TOR3A: variants seen among roughly 807,000 people sequenced by gnomAD.
TOR3A encodes torsin-3A.
In TOR3A, 44 loss-of-function variants were observed where a neutral mutation model predicts 42.1. That is an observed-to-expected ratio of 1.04 (90% CI 0.82 to 1.34). TOR3A has a LOEUF of 1.34. Ranked by LOEUF, TOR3A falls within the 40% of genes most tolerant of loss-of-function variation. The probability of loss-of-function intolerance (pLI) is 0.00; values close to 1 mark genes in which losing one functional copy is unlikely to be tolerated. For missense variants in TOR3A, 521 were observed against 507.6 expected (o/e 1.03, Z -0.25); for synonymous variants, 227 against 213.2 (o/e 1.06, Z -0.57).
chr1:179,088,037 GC>G lies in TOR3A; in HGVS notation c.770del (p.Pro257LeufsTer23). 1.2e-6 allele frequency: 2 copies of G among 1,612,944 alleles called. No individual in the cohort carries two copies. Among genetic ancestry groups the G allele is most frequent in the South Asian group, 1.1e-5 (1 of 90,982 alleles). On this transcript the variant is annotated frameshift_variant, in exon 4 of 6. Transcript: ENST00000367627. LOFTEE classifies it high-confidence loss of function. ...EVLGPHLERRAPEGHRAESPW... is the reference protein window; with the variant it reads ...EVLGPHLERRXPEGHRAESPW... Reference sequence around the variant, plus strand: ...CCTTGGGCCACACTTAGAACGCCGGGCCCCTGAGGGCCACAGGGCTGAGTCT... The same window carrying G: ...CCTTGGGCCACACTTAGAACGCCGGGCCCTGAGGGCCACAGGGCTGAGTCT...
chr1:179,085,165 G>C (rs1198149857), intron 2 of TOR3A, among the ~76,000 whole-genome samples: 1 of 152,156 alleles, frequency 6.6e-6, no homozygotes, highest in South Asian at 2.1e-4. Context: ...AATGGCTCAC[G>C]CCTGTAATCC....
Position 179,094,979 on chromosome 1 carries a change from G to A in TOR3A, c.955G>A (p.Gly319Ser), listed in dbSNP as rs1475261612. Residue 319 changes from glycine (G) to serine (S), a missense_variant, in exon 6 of 6, where the codon GGC becomes AGC. Coordinates refer to ENST00000367627, the MANE Select transcript of TOR3A (RefSeq NM_022371.4). ...EIVETIDNGF[G>S]HSRLVKENLI... ...GGTCTTGCTTTCAGACAATGGCTTT[G>A]GCCACAGCCGTCTTGTGAAGGAAAA... 1 of 1,614,068 alleles carries A rather than the reference G, an allele frequency of 6.2e-7. No individual in the cohort carries two copies. Among genetic ancestry groups the A allele is most frequent in the African/African-American group, 1.3e-5 (1 of 75,000 alleles).
In TOR3A at chr1:179,085,717, C is replaced by T. The variant is rs1481211969; in HGVS notation, c.463C>T (p.Pro155Ser). The T allele has an allele frequency of 6.2e-7, 1 of 1,614,226 alleles. No individual in the cohort carries two copies. Among genetic ancestry groups the T allele is most frequent in the African/African-American group, 1.3e-5 (1 of 75,062 alleles). Residue 155 changes from proline to serine, a missense_variant, in exon 3 of 6, where the codon CCC (proline) becomes TCC (serine). Coordinates refer to ENST00000367627, the MANE Select transcript of TOR3A (RefSeq NM_022371.4). ...AACAGTGAGGGGCTACTTAGAGACG[C>T]CCCAGCCAGAAAAGGCCCTTGCTCT... Reference protein sequence around the residue: ...LRTVRGYLETPQPEKALALSF... With the variant: ...LRTVRGYLETSQPEKALALSF...
intron 3 of TOR3A, among the ~76,000 whole-genome samples, chr1:179,087,356 G>A (rs1194624492): frequency 6.6e-6 from 1 of 152,128 alleles, no homozygotes; most frequent in South Asian, 2.1e-4. Context: ...GCCAGTGGGC[G>A]CTCTGCACCC....
Position 179,086,636 on chromosome 1 carries a change from AGC to A in TOR3A, c.639+744_639+745del, listed in dbSNP as rs1652444403. Among the ~76,000 whole-genome samples, 5 of 148,258 alleles carry A rather than the reference AGC, an allele frequency of 3.4e-5. No individual in the cohort carries two copies. The South Asian group carries it at 1.1e-3, about 32-fold the overall frequency. On this transcript the variant is annotated intron_variant, in intron 3 of 5. Transcript: ENST00000367627. Reference sequence around the variant, plus strand: ...AGCCGAGATCGTGCCGCTGCACTCCAGCCTGGGCAACAGAGCAAGACTCCATC... The same window carrying A: ...AGCCGAGATCGTGCCGCTGCACTCCACTGGGCAACAGAGCAAGACTCCATC...
rs535429860 is a variant in TOR3A at position 179,082,104 on chromosome 1, A to T, written c.-25A>T. On this transcript the variant is annotated 5_prime_UTR_variant, in exon 1 of 6. The change abolishes an upstream ATG in the 5' untranslated region. Coordinates refer to ENST00000367627, the MANE Select transcript of TOR3A (RefSeq NM_022371.4). ...GGAGCCTGGCTAGGCCGGCAGCCGG[A>T]TGGTCCCGCAGCTCGGGGCCGGCCA... is the stretch of plus-strand genomic sequence containing the variant. 4.8e-6 allele frequency: 7 copies of T among 1,446,034 alleles called. No homozygotes were observed. The South Asian group carries it at 5.8e-5, about 12-fold the overall frequency. 89.6% of individuals were successfully genotyped at this position (1,446,034 alleles called of 1,614,324 possible). A position where few individuals can be genotyped will look rare whatever the true frequency, so the allele number is the denominator to read the frequency against.
intron 3 of TOR3A, among the ~76,000 whole-genome samples, chr1:179,086,873 G>T (rs1025323459): frequency 2.3e-4 from 35 of 152,154 alleles, no homozygotes; most frequent in African/African-American, 8.0e-4. Context: ...CCTGTCTTTG[G>T]CTTTGTTTTA....
chr1:179,090,881 T>C (rs1652563011), intron 4 of TOR3A, among the ~76,000 whole-genome samples: 1 of 152,196 alleles, frequency 6.6e-6, no homozygotes, highest in African/African-American at 2.4e-5. Context: ...GTTTCCTTTG[T>C]GCTGTTGTCA....
At chr1:179,089,666 G>A (rs529212259) in intron 4 of TOR3A, among the ~76,000 whole-genome samples, 1 of 152,326 alleles carries the variant, frequency 6.6e-6, no homozygotes, top group African/African-American at 2.4e-5. Flanking sequence ...CCTGAACAGA[G>A]GAGTCACCTG....
At chr1:179,092,236 C>T (rs1652609937) in intron 4 of TOR3A, among the ~76,000 whole-genome samples, 4 of 152,264 alleles carry the variant, frequency 2.6e-5, no homozygotes, top group South Asian at 2.1e-4. Flanking sequence ...CCCAGCAGCC[C>T]CCATGGAGCC....
At chr1:179,084,700 C>T (rs1347794570) in intron 2 of TOR3A, among the ~76,000 whole-genome samples, 1 of 152,204 alleles carries the variant, frequency 6.6e-6, no homozygotes, top group African/African-American at 2.4e-5. Context: ...TTATCATAGA[C>T]CTTGACCTCC....
At chr1:179,085,437 A>AG in intron 2 of TOR3A, 191 bp from the exon 3 acceptor site, 1 of 700,856 alleles carries the variant, frequency 1.4e-6, no homozygotes, top group East Asian at 2.5e-5. Context: ...AAAAAAAAAA[A>AG]AAGAAAGTAG....
chr1:179,087,947 C>G lies in TOR3A; in HGVS notation c.676C>G (p.Leu226Val). 1 of 1,606,872 alleles carries G rather than the reference C, an allele frequency of 6.2e-7. No individual in the cohort carries two copies. The highest frequency in any genetic ancestry group is 8.5e-7 in the Non-Finnish European group (1 of 1,176,676). The change falls in exon 4 of 6, where the codon CTC becomes GTC. Residue 226 changes from leucine to valine, a missense_variant. Leu to Val is a conservative substitution (Grantham distance 32). Coordinates refer to ENST00000367627, the MANE Select transcript of TOR3A (RefSeq NM_022371.4). ...LMSQIRETQQ[L>V]CHQTLFIFDE... ...GAGCCAGATCCGGGAGACGCAGCAG[C>G]TCTGCCACCAGACCCTGTTCATCTT...
intron 4 of TOR3A, among the ~76,000 whole-genome samples, chr1:179,092,797 C>T (rs1358963992): frequency 2.6e-5 from 4 of 151,738 alleles, no homozygotes; most frequent in Admixed American, 2.0e-4. Flanking sequence ...GCTGAGATCA[C>T]GCCACTGCAC....
intron 4 of TOR3A, among the ~76,000 whole-genome samples, chr1:179,092,645 G>A (rs1652621681): frequency 6.6e-6 from 1 of 152,164 alleles, no homozygotes; most frequent in Non-Finnish European, 1.5e-5. Context: ...TCAGGAGTTT[G>A]AGACCAGCCT....
At chr1:179,093,371 C>A (rs753502288) in intron 4 of TOR3A, among the ~76,000 whole-genome samples, 1 of 152,224 alleles carries the variant, frequency 6.6e-6, no homozygotes, top group African/African-American at 2.4e-5. Flanking sequence ...TAAAACCAAA[C>A]TTTCATCTCC....
In TOR3A at chr1:179,087,902, C is replaced by CCCGTGCAGGAGCAGCTGATGAGCCAGAT; in HGVS notation, c.640-5_662dup. 1 of 1,565,242 alleles carries CCCGTGCAGGAGCAGCTGATGAGCCAGAT rather than the reference C, an allele frequency of 6.4e-7. No individual in the cohort carries two copies. Among genetic ancestry groups the CCCGTGCAGGAGCAGCTGATGAGCCAGAT allele is most frequent in the East Asian group, 2.3e-5 (1 of 43,840 alleles). On this transcript the variant is annotated splice_polypyrimidine_tract_variant and intron_variant, in intron 3 of 5. Transcript: ENST00000367627. ...CCACTTCCCCAGCTGCTCCCTATAT[C>CCCGTGCAGGAGCAGCTGATGAGCCAGAT]CCGTGCAGGAGCAGCTGATGAGCCA...
In TOR3A at chr1:179,094,834, C is replaced by T. The variant is rs982895112; in HGVS notation, c.944-134C>T. On this transcript the variant is annotated intron_variant, in intron 5 of 5. Transcript: ENST00000367627. ...TGGAGGCTGCAAGGAGCCCAGATCT[C>T]ACCACTGCACTCCAGCCTGGTTGAC... 2.0e-5 allele frequency: 17 copies of T among 834,378 alleles called. No individual in the cohort carries two copies. The East Asian group carries it at 2.2e-4, about 11-fold the overall frequency. 51.7% of individuals were successfully genotyped at this position (834,378 alleles called of 1,614,324 possible).
intron 4 of TOR3A, among the ~76,000 whole-genome samples, chr1:179,089,711 C>A (rs778933510): frequency 2.0e-5 from 3 of 152,174 alleles, no homozygotes; most frequent in Non-Finnish European, 4.4e-5. Context: ...AGCCCTGGGT[C>A]GGGCAGTCCA....
Sources: allele counts gnomAD v4.1 joint callset (sites outside exome capture counted in the v4.1 genomes callset), GRCh38; gene constraint gnomAD v4.1.1; transcripts MANE v1.5; gene names NCBI Gene and HGNC (gene_info 2026-07-23, HGNC 2026-07-21).